The following GRAMD1A variants were observed in gnomAD, a reference collection of about 807,000 sequenced individuals.
GRAMD1A encodes GRAM domain containing 1A.
In GRAMD1A, 50 loss-of-function variants were observed where a neutral mutation model predicts 92.0. That is an observed-to-expected ratio of 0.54 (90% confidence interval 0.43 to 0.69). The LOEUF is 0.69. Among genes scored for constraint, GRAMD1A ranks in the 30% least tolerant of loss-of-function variants. The pLI, the probability that GRAMD1A is intolerant of heterozygous loss-of-function variation, is 0.00. For synonymous variants in GRAMD1A, 405 were observed against 403.6 expected, an observed-to-expected ratio of 1.00 and a Z score of -0.04; for missense variants, 819 against 978.9, an observed-to-expected ratio of 0.84 and a Z score of 2.18.
intron 11 of GRAMD1A, 39 bp downstream of exon 11, chr19:35,016,006 G>A: frequency 1.5e-5 from 24 of 1,600,332 alleles, no homozygotes; most frequent in Non-Finnish European, 2.0e-5. Flanking sequence ...GGTTACCCAG[G>A]TGCAGGGGAG....
At chr19:34,999,017 G>A (rs2014168020), upstream of GRAMD1A, among the ~76,000 whole-genome samples, 2 of 152,054 alleles carry the variant, frequency 1.3e-5, no homozygotes, top group African/African-American at 2.4e-5. Context: ...GTACAGCTGG[G>A]GCAGGGCTCT....
chr19:35,013,363 T>G lies in GRAMD1A; in HGVS notation c.714T>G (p.Gly238=), dbSNP rs763300905. 5 of 1,551,442 alleles carry G rather than the reference T, an allele frequency of 3.2e-6. No individual in the cohort carries two copies. The highest frequency in any genetic ancestry group is 4.4e-6 in the Non-Finnish European group (5 of 1,143,052). ...ATGTCTCCCCCTTGCAGCTGAACGG[T>G]CTGGGGTGAGTTGGAGGTCAAAGGA... is the stretch of plus-strand genomic sequence containing the variant. The part of the protein sequence containing the change: ...EDYVSPLQLN[G]LGTPKEVGDV... The change falls in exon 8 of 20, where the codon GGT becomes GGG. Residue 238 remains glycine (G), a synonymous_variant. Transcript: ENST00000317991. The surrounding 1 kb of genome is among the most constrained non-coding windows in gnomAD (Gnocchi z 4.9).
At chr19:35,001,688 AC>A (rs1213020299) in intron 1 of GRAMD1A, among the ~76,000 whole-genome samples, 1 of 151,628 alleles carries the variant, frequency 6.6e-6, no homozygotes, top group African/African-American at 2.4e-5. Flanking sequence ...GCCCACTGCA[AC>A]CTCCTCCTGC....
rs1347839218 is a variant in GRAMD1A, at chr19:35,026,397, A to G, written c.*256A>G. The G allele has an allele frequency of 4.5e-5, 25 of 554,568 alleles. No homozygotes were observed. In the East Asian group the frequency reaches 5.5e-4, roughly 12 times the overall value. 34.4% of individuals were successfully genotyped at this position (554,568 alleles called of 1,614,324 possible). On this transcript the variant is annotated 3_prime_UTR_variant, in exon 20 of 20. Coordinates refer to ENST00000317991, the MANE Select transcript of GRAMD1A (RefSeq NM_020895.5). Reference sequence around the variant, plus strand: ...TGGGGGGCGCCTCCTGGGGTGCACGATTCCCTCAGCTCTGGGTTTAATGTA... The same window carrying G: ...TGGGGGGCGCCTCCTGGGGTGCACGGTTCCCTCAGCTCTGGGTTTAATGTA...
In GRAMD1A at chr19:35,021,325, C is replaced by T. The variant is rs763848644; in HGVS notation, c.1476-177C>T. ...TGAGTTGGCTGGCATTTGGGCTGGG[C>T]GGGTGGTGTATGGGGTATCCAGGGA... On this transcript the variant is annotated intron_variant, in intron 13 of 19. Coordinates refer to ENST00000317991, the MANE Select transcript of GRAMD1A (RefSeq NM_020895.5). The surrounding 1 kb of genome is among the most constrained non-coding windows in gnomAD (Gnocchi z 5.3). 6.6e-6 allele frequency among the ~76,000 whole-genome samples: 1 copy of T among 151,786 alleles called. No homozygotes were observed. Among genetic ancestry groups the T allele is most frequent in the Non-Finnish European group, 1.5e-5 (1 of 67,946 alleles).
upstream of GRAMD1A, chr19:34,995,965 A>T: frequency 8.1e-7 from 1 of 1,240,772 alleles, no homozygotes; most frequent in Non-Finnish European, 1.1e-6. Flanking sequence ...CGGGAGCTCT[A>T]TCCCTCATCT....
In GRAMD1A at chr19:35,011,491, T is replaced by C; in HGVS notation, c.543T>C (p.Phe181=). 6.2e-7 allele frequency: 1 copy of C among 1,610,832 alleles called. No individual in the cohort carries two copies. The highest frequency in any genetic ancestry group is 8.5e-7 in the Non-Finnish European group (1 of 1,179,314). The part of the protein sequence containing the change: ...TESEKHFFTS[F]GARDRCFLLI... ...CCTGACAGCATTTCTTCACTTCCTT[T>C]GGGGCCCGTGACCGCTGCTTCCTCC... is the stretch of plus-strand genomic sequence containing the variant. Residue 181 remains phenylalanine, a synonymous_variant, in exon 7 of 20, where the codon TTT becomes TTC. Transcript: ENST00000317991.
intron 16 of GRAMD1A, 81 bp downstream of exon 16, chr19:35,022,119 C>T (rs1004723217): frequency 1.0e-6 from 1 of 955,124 alleles, no homozygotes; most frequent in Non-Finnish European, 1.6e-6. Context: ...TGTGTGGCCT[C>T]TTTGAGCTCT....
rs1218740070 is a variant in GRAMD1A, at chr19:35,009,346, G to A, written c.219+17G>A. Reference sequence around the variant, plus strand: ...AACAGCAAGGTTGGTGCAAGCCCAGGTGGGGTGGGGAGAGGGCTAGTGGGG... The same window carrying A: ...AACAGCAAGGTTGGTGCAAGCCCAGATGGGGTGGGGAGAGGGCTAGTGGGG... On this transcript the variant is annotated intron_variant, in intron 2 of 19. Transcript: ENST00000317991. 2 of 1,613,866 alleles carry A rather than the reference G, an allele frequency of 1.2e-6. No individual in the cohort carries two copies. Among genetic ancestry groups the A allele is most frequent in the South Asian group, 1.1e-5 (1 of 91,074 alleles).
upstream of GRAMD1A, chr19:34,999,251 GA>G (rs1196785186): frequency 6.6e-6 from 1 of 152,356 alleles, no homozygotes; most frequent in Non-Finnish European, 1.5e-5. Flanking sequence ...TGAAGGAAAA[GA>G]GAGGGTCAGA....
At chr19:35,005,156 C>A (rs1038298544) in intron 1 of GRAMD1A, among the ~76,000 whole-genome samples, 1 of 149,920 alleles carries the variant, frequency 6.7e-6, no homozygotes, top group Non-Finnish European at 1.5e-5. Context: ...ACCTCCTGTA[C>A]GCCAGGCCCT....
In GRAMD1A at chr19:35,009,311, C is replaced by T. The variant is rs1467292588; in HGVS notation, c.201C>T (p.Asn67=). The change falls in exon 2 of 20, where the codon AAC becomes AAT. Residue 67 remains asparagine, a synonymous_variant. Transcript: ENST00000317991. ...TPSTQSLGSR[N]FIRNSKKMQS... ...GCACCCAGAGCCTAGGCAGCCGGAACTTCATCCGCAACAGCAAGGTTGGTG... is the reference window on the plus strand; with the variant it reads ...GCACCCAGAGCCTAGGCAGCCGGAATTTCATCCGCAACAGCAAGGTTGGTG... 1 of 1,613,982 alleles carries T rather than the reference C, an allele frequency of 6.2e-7. No individual in the cohort carries two copies. The highest frequency in any genetic ancestry group is 8.5e-7 in the Non-Finnish European group (1 of 1,179,864).
chr19:35,017,046 C>T (rs902980401), intron 11 of GRAMD1A, among the ~76,000 whole-genome samples: 2 of 149,606 alleles, frequency 1.3e-5, no homozygotes, highest in African/African-American at 4.9e-5. Context: ...ATGATGCTGC[C>T]CACCCGTAAT....
rs114527681 is a variant in GRAMD1A at position 35,004,165 on chromosome 19, C to T, written c.8+3679C>T. Among the ~76,000 whole-genome samples, 498 of 152,196 alleles carry T rather than the reference C, an allele frequency of 3.3e-3. 9 individuals carry two copies. The highest frequency in any genetic ancestry group is 0.011 in the African/African-American group (477 of 41,498). On this transcript the variant is annotated intron_variant, in intron 1 of 19. Coordinates refer to ENST00000317991, the MANE Select transcript of GRAMD1A (RefSeq NM_020895.5). ...GATCGCTTGAGCCCAAGAGTTCGGG[C>T]CTGGAGTGACCTGGGAGGCTGAGGA...
In GRAMD1A at chr19:35,010,355, C is replaced by A. The variant is rs781408055; in HGVS notation, c.501C>A (p.Ile167=). ...CGGCCAAGCTGATCCCCAACGCCATCCAGATCTGCACGGAGAGCGAGAAGG... is the reference window on the plus strand; with the variant it reads ...CGGCCAAGCTGATCCCCAACGCCATACAGATCTGCACGGAGAGCGAGAAGG... The part of the protein sequence containing the change: ...EKTAKLIPNA[I]QICTESEKHF... The change falls in exon 6 of 20, where the codon ATC becomes ATA. Residue 167 remains isoleucine, a synonymous_variant. Coordinates refer to ENST00000317991, the MANE Select transcript of GRAMD1A (RefSeq NM_020895.5). 25 of 1,613,198 alleles carry A rather than the reference C, an allele frequency of 1.5e-5. No individual in the cohort carries two copies. Among genetic ancestry groups the A allele is most frequent in the Non-Finnish European group, 2.0e-5 (23 of 1,179,098 alleles).
intron 1 of GRAMD1A, among the ~76,000 whole-genome samples, chr19:35,001,636 C>A (rs945703552): frequency 6.6e-6 from 1 of 151,288 alleles, no homozygotes; most frequent in African/African-American, 2.4e-5. Context: ...GAAATAGAGT[C>A]TGGCTCTGTC....
At chr19:35,014,071 C>T (rs765330722) in intron 9 of GRAMD1A, 118 bp from the exon 10 acceptor site, 21 of 950,556 alleles carry the variant, frequency 2.2e-5, no homozygotes, top group African/African-American at 8.1e-5. Flanking sequence ...CGTGAGCCCT[C>T]GGTGCACACA....
intron 10 of GRAMD1A, chr19:35,014,904 C>T (rs762876728): frequency 5.9e-5 from 10 of 168,890 alleles, no homozygotes; most frequent in Non-Finnish European, 1.2e-4. Flanking sequence ...TGGTGGTGCA[C>T]ACCTATAGTA....
In GRAMD1A at chr19:35,013,833, A is replaced by G. The variant is rs2015428135; in HGVS notation, c.870+142A>G. 11 of 787,398 alleles carry G rather than the reference A, an allele frequency of 1.4e-5. No homozygotes were observed. The South Asian group carries it at 1.6e-4, about 11-fold the overall frequency. 48.8% of individuals were successfully genotyped at this position (787,398 alleles called of 1,614,324 possible). Reference sequence around the variant, plus strand: ...GGAGGCCTGGATGGAGGAACAGGACAGGGAGGGGAAGACGGACATGTGACA... The same window carrying G: ...GGAGGCCTGGATGGAGGAACAGGACGGGGAGGGGAAGACGGACATGTGACA... On this transcript the variant is annotated intron_variant, in intron 9 of 19. Transcript: ENST00000317991. The surrounding 1 kb of genome is among the most constrained non-coding windows in gnomAD (Gnocchi z 4.9).
Sources: allele counts gnomAD v4.1 joint callset (sites outside exome capture counted in the v4.1 genomes callset), GRCh38; gene constraint gnomAD v4.1.1; non-coding constraint Gnocchi (gnomAD v3.1); transcripts MANE v1.5; gene names NCBI Gene and HGNC (gene_info 2026-07-23, HGNC 2026-07-21).